WDR7: variants seen among roughly 807,000 people sequenced by gnomAD.
The protein encoded by WDR7 is WD repeat domain 7.
Under a neutral mutation model 169.4 loss-of-function variants are expected in WDR7, and 46 were observed. The ratio of observed to expected loss-of-function variants is 0.27; its 90% CI spans 0.21 to 0.35. The LOEUF is 0.35. Among genes scored for constraint, WDR7 ranks in the 10% least tolerant of loss-of-function variants. The pLI, the probability that WDR7 is intolerant of heterozygous loss-of-function variation, is 1.00. For synonymous variants in WDR7, 612 were observed against 666.8 expected, an observed-to-expected ratio of 0.92 and a Z score of 1.27; for missense variants, 1,534 against 1,859.3, an observed-to-expected ratio of 0.83 and a Z score of 3.22.
intron 26 of WDR7, 78 bp downstream of exon 26, chr18:56,962,607 T>C (rs1444450534): frequency 9.1e-6 from 12 of 1,312,918 alleles, no homozygotes; most frequent in South Asian, 4.8e-5. Context: ...ACTTCACCAG[T>C]TGACGTGCTG....
At chr18:56,713,023 C>G (rs2430906) in intron 12 of WDR7, among the ~76,000 whole-genome samples, 139,849 of 152,158 alleles carry the variant, frequency 0.92, 65,409 homozygotes, top group East Asian at 1. Context: ...TTTGTTTCCA[C>G]TTAAAATGTG....
At chr18:56,878,652 T>C (rs2046062701) in intron 20 of WDR7, among the ~76,000 whole-genome samples, 2 of 152,194 alleles carry the variant, frequency 1.3e-5, no homozygotes, top group African/African-American at 4.8e-5. Flanking sequence ...TGTGCAGATA[T>C]TACCTCAATC....
intron 13 of WDR7, among the ~76,000 whole-genome samples, chr18:56,723,771 A>G (rs2026375350): frequency 6.6e-6 from 1 of 151,918 alleles, no homozygotes; most frequent in African/African-American, 2.4e-5. Flanking sequence ...ATTCAAATAT[A>G]TTTTCTCCCC....
chr18:56,657,750 A>G (rs184459169), intron 1 of WDR7, among the ~76,000 whole-genome samples: 34 of 152,382 alleles, frequency 2.2e-4, no homozygotes, highest in Non-Finnish European at 1.5e-5. Flanking sequence ...AACACAAACA[A>G]TTATGTTGGA....
At position 56,927,852 on chromosome 18, in the gene WDR7, G is replaced by A. The variant is rs563947334; in HGVS notation, c.3713+3744G>A. On this transcript the variant is annotated intron_variant, in intron 22 of 27. Coordinates refer to ENST00000254442, the MANE Select transcript of WDR7 (RefSeq NM_015285.3). ...CAAAAATCATGTCTTCAAGACAGTT[G>A]CAGTCTTACAGGAAAGACAAGATCT... Among the ~76,000 whole-genome samples, 23 of 152,254 alleles carry A rather than the reference G, an allele frequency of 1.5e-4. No individual in the cohort carries two copies. In the South Asian group the frequency reaches 4.6e-3, roughly 30 times the overall value.
rs559241798 is a variant in WDR7, at chr18:56,773,972, C to G, written c.2849-2810C>G. Among the ~76,000 whole-genome samples, 388 of 150,972 alleles carry G rather than the reference C, an allele frequency of 2.6e-3. 3 individuals carry two copies. The highest frequency in any genetic ancestry group is 4.4e-3 in the Non-Finnish European group (299 of 67,660). ...CATGAAATACTTTAAAAGGACTCAT[C>G]ATTAAATAATTGTATTCTTTTTTTA... On this transcript the variant is annotated intron_variant, in intron 16 of 27. Transcript: ENST00000254442.
rs2046084769 is a variant in WDR7, at chr18:56,880,129, A to G, written c.3490A>G (p.Ser1164Gly). The stretch of plus-strand genomic sequence containing the variant: ...AATTCCTGAGGGATTCGGGTTGACT[A>G]GTGGTGGATCCAACTACTCGCTGGC... Reference protein sequence around the residue: ...SQIPEGFGLTSGGSNYSLARH... With the variant: ...SQIPEGFGLTGGGSNYSLARH... The change falls in exon 21 of 28, where the codon AGT becomes GGT. Residue 1164 changes from serine (S) to glycine (G), a missense_variant. Physicochemically the swap from Ser to Gly is moderately conservative, Grantham distance 56. Transcript: ENST00000254442. 2 of 1,614,072 alleles carry G rather than the reference A, an allele frequency of 1.2e-6. No individual in the cohort carries two copies. The highest frequency in any genetic ancestry group is 1.7e-6 in the Non-Finnish European group (2 of 1,179,960).
chr18:56,825,499 G>A (rs2045185507), intron 20 of WDR7, among the ~76,000 whole-genome samples: 1 of 152,012 alleles, frequency 6.6e-6, no homozygotes, highest in Non-Finnish European at 1.5e-5. Context: ...CGTTTTACAG[G>A]AGAAGAAAAT....
intron 14 of WDR7, among the ~76,000 whole-genome samples, chr18:56,742,605 A>G (rs569077568): frequency 2.0e-5 from 3 of 152,344 alleles, no homozygotes; most frequent in Middle Eastern, 3.4e-3. Flanking sequence ...TGAATAAGAC[A>G]TATTTACCTT....
intron 26 of WDR7, among the ~76,000 whole-genome samples, chr18:57,015,303 T>C (rs2048191330): frequency 1.3e-5 from 2 of 152,226 alleles, no homozygotes; most frequent in African/African-American, 2.4e-5. Flanking sequence ...TAATCGGCCA[T>C]AGATGAGATT....
intron 22 of WDR7, among the ~76,000 whole-genome samples, chr18:56,925,112 G>A (rs1037770763): frequency 5.9e-5 from 9 of 152,166 alleles, no homozygotes; most frequent in African/African-American, 1.9e-4. Context: ...ATAGTGCTTT[G>A]TTGCTCTTTA....
intron 22 of WDR7, 122 bp downstream of exon 22, chr18:56,924,230 G>T (rs1197309879): frequency 1.8e-6 from 2 of 1,105,776 alleles, no homozygotes; most frequent in African/African-American, 1.6e-5. Flanking sequence ...ATACACAAAT[G>T]TTTCAATATG....
chr18:56,816,459 A>G (rs9956159), intron 20 of WDR7, among the ~76,000 whole-genome samples: 17,946 of 152,208 alleles, frequency 0.12, 1,547 homozygotes, highest in African/African-American at 0.24. Flanking sequence ...AGAGGAATAT[A>G]CTCATTAAGT....
intron 20 of WDR7, among the ~76,000 whole-genome samples, chr18:56,870,713 C>T (rs2045941349): frequency 6.6e-6 from 1 of 152,116 alleles, no homozygotes; most frequent in Non-Finnish European, 1.5e-5. Flanking sequence ...ACCTTGAACT[C>T]CTGGGCTGAA....
intron 2 of WDR7, among the ~76,000 whole-genome samples, chr18:56,677,414 A>G (rs529151738): frequency 1.5e-4 from 23 of 152,270 alleles, no homozygotes; most frequent in Non-Finnish European, 2.4e-4. Flanking sequence ...CAGTGGCGTG[A>G]TCTCAACTTC....
intron 21 of WDR7, among the ~76,000 whole-genome samples, chr18:56,897,034 A>G (rs2046341298): frequency 6.6e-6 from 1 of 151,892 alleles, no homozygotes. Context: ...AAAGGAAACA[A>G]GGATGGCCAG....
rs187739692 is a variant in WDR7 at position 56,994,535 on chromosome 18, A to G, written c.4165-26210A>G. Among the ~76,000 whole-genome samples, 250 of 152,156 alleles carry G rather than the reference A, an allele frequency of 1.6e-3. 2 individuals carry two copies. The highest frequency in any genetic ancestry group is 6.8e-3 in the Middle Eastern group (2 of 294). On this transcript the variant is annotated intron_variant, in intron 26 of 27. Coordinates refer to ENST00000254442, the MANE Select transcript of WDR7 (RefSeq NM_015285.3). ...GAGTTTGTTCACATAAGTCCTGGGA[A>G]TTTTTTCTTTTTGTGTGTTTTCTCT...
chr18:56,818,453 A>G (rs2045023151), intron 20 of WDR7, among the ~76,000 whole-genome samples: 1 of 152,214 alleles, frequency 6.6e-6, no homozygotes, highest in African/African-American at 2.4e-5. Context: ...TTGGTTAAAC[A>G]TATGTGACAA....
intron 21 of WDR7, among the ~76,000 whole-genome samples, chr18:56,894,916 G>A (rs558876028): frequency 2.6e-5 from 4 of 152,028 alleles, no homozygotes; most frequent in Admixed American, 6.6e-5. Flanking sequence ...AAAAATATAT[G>A]ATTATTTCAA....
Sources: gnomAD v4.1 joint callset for allele counts (sites outside exome capture counted in the v4.1 genomes callset) on GRCh38, gnomAD v4.1.1 for gene constraint, MANE v1.5 for transcripts, NCBI Gene and HGNC (gene_info 2026-07-23, HGNC 2026-07-21) for gene names.